ATP2B1: variants seen among roughly 807,000 people sequenced by gnomAD.
ATP2B1 encodes the protein plasma membrane calcium-transporting ATPase 1.
Under a neutral mutation model 124.2 loss-of-function variants are expected in ATP2B1, and 14 were observed. That is an observed-to-expected ratio of 0.11 (90% CI 0.07 to 0.18). The LOEUF (loss-of-function observed/expected upper bound fraction) is 0.18, where lower values mean the gene tolerates loss of function less well. Among genes scored for constraint, ATP2B1 ranks in the 10% least tolerant of loss-of-function variants. ATP2B1 has a pLI of 1.00. For synonymous variants in ATP2B1, 449 were observed against 492.4 expected (o/e 0.91, Z 1.17); for missense variants, 763 against 1,466.1 (o/e 0.52, Z 7.83).
intron 1 of ATP2B1, among the ~76,000 whole-genome samples, chr12:89,678,341 G>T (rs758610668): frequency 2.6e-5 from 4 of 152,078 alleles, no homozygotes; most frequent in Non-Finnish European, 4.4e-5. Context: ...CTTCTTGTGG[G>T]TGTAGAGAGA....
chr12:89,610,404 C>A lies in ATP2B1; in HGVS notation c.2335+17G>T. 2.5e-6 allele frequency: 4 copies of A among 1,604,320 alleles called. No individual in the cohort carries two copies. Among genetic ancestry groups the A allele is most frequent in the Non-Finnish European group, 3.4e-6 (4 of 1,172,548 alleles). On this transcript the variant is annotated intron_variant, in intron 14 of 20. Transcript: ENST00000428670. ...TCTGTATTAAGAAATTGTGAAATAA[C>A]TGAAAAATCTACTTACCTTTAACCA...
At chr12:89,602,919 T>C in intron 18 of ATP2B1, 124 bp downstream of exon 18, 1 of 792,262 alleles carries the variant, frequency 1.3e-6, no homozygotes, top group Non-Finnish European at 2.0e-6. Flanking sequence ...CACCATGATA[T>C]TATATATGTC....
intron 1 of ATP2B1, among the ~76,000 whole-genome samples, chr12:89,690,236 G>A (rs1289833114): frequency 6.6e-6 from 1 of 151,814 alleles, no homozygotes; most frequent in Non-Finnish European, 1.5e-5. Flanking sequence ...TAATAATGCT[G>A]CCATTGCTTA....
intron 12 of ATP2B1, among the ~76,000 whole-genome samples, chr12:89,615,300 T>C (rs551799511): frequency 2.0e-5 from 3 of 152,316 alleles, no homozygotes; most frequent in African/African-American, 7.2e-5. Context: ...ATATCTTATA[T>C]AGCCCTTCTG....
intron 1 of ATP2B1, among the ~76,000 whole-genome samples, chr12:89,665,256 CT>C (rs1348746778): frequency 6.6e-6 from 1 of 151,952 alleles, no homozygotes; most frequent in Non-Finnish European, 1.5e-5. Context: ...CCATTTAAGC[CT>C]TATAATACAC....
chr12:89,601,249 CTG>C (rs1348225238), intron 19 of ATP2B1, 75 bp downstream of exon 19: 2 of 1,011,150 alleles, frequency 2.0e-6, no homozygotes, highest in Admixed American at 5.1e-5. Context: ...AGTAATGAAA[CTG>C]TTAAAGAAAA....
At position 89,594,746 on chromosome 12, in the gene ATP2B1, C is replaced by T. The variant is rs145107463; in HGVS notation, c.3352-3451G>A. 7 of 151,944 alleles carry T rather than the reference C, an allele frequency of 4.6e-5. No individual in the cohort carries two copies. The East Asian group carries it at 9.6e-4, about 21-fold the overall frequency. 9.4% of individuals were successfully genotyped at this position (151,944 alleles called of 1,614,324 possible). On this transcript the variant is annotated intron_variant, in intron 20 of 20. Coordinates refer to ENST00000428670, the MANE Select transcript of ATP2B1 (RefSeq NM_001366521.1). ...AAATCCAAACAAGATCATGTACCTACAAAACCAATTTTTCTAAATACCATC... is the reference window on the plus strand; with the variant it reads ...AAATCCAAACAAGATCATGTACCTATAAAACCAATTTTTCTAAATACCATC...
intron 2 of ATP2B1, among the ~76,000 whole-genome samples, chr12:89,649,871 CAGTT>C (rs1409175551): frequency 1.3e-5 from 2 of 152,264 alleles, no homozygotes; most frequent in Middle Eastern, 3.4e-3. Context: ...AGTTCTTGCT[CAGTT>C]AGTTCACATG....
chr12:89,694,244 TAA>T, intron 1 of ATP2B1, among the ~76,000 whole-genome samples: 1 of 152,318 alleles, frequency 6.6e-6, no homozygotes, highest in Admixed American at 6.5e-5. Context: ...TTCAACTACA[TAA>T]TCTGTCCTAT....
intron 1 of ATP2B1, among the ~76,000 whole-genome samples, chr12:89,668,046 A>C (rs1028005159): frequency 6.6e-6 from 1 of 152,192 alleles, no homozygotes; most frequent in Non-Finnish European, 1.5e-5. Context: ...ACCTAAATTG[A>C]GGCAGAGTAG....
intron 1 of ATP2B1, among the ~76,000 whole-genome samples, chr12:89,708,391 C>CA (rs1198511314): frequency 6.6e-6 from 1 of 152,188 alleles, no homozygotes; most frequent in Non-Finnish European, 1.5e-5. Flanking sequence ...GAAGCCCGCT[C>CA]ACCTTCACAA....
chr12:89,618,077 A>G (rs1211014381), intron 11 of ATP2B1, among the ~76,000 whole-genome samples: 1 of 151,616 alleles, frequency 6.6e-6, no homozygotes, highest in Non-Finnish European at 1.5e-5. Flanking sequence ...TTTAACTGAT[A>G]TGTCTCTAGT....
rs1873098616 is a variant in ATP2B1, at chr12:89,589,032, A to G, written c.*1952T>C. 6.6e-6 allele frequency: 1 copy of G among 152,602 alleles called. No homozygotes were observed. The highest frequency in any genetic ancestry group is 1.5e-5 in the Non-Finnish European group (1 of 68,022). The allele number at this position is 152,602 out of a possible 1,614,324, so 9.5% of individuals were successfully genotyped here. On this transcript the variant is annotated 3_prime_UTR_variant, in exon 21 of 21. Coordinates refer to ENST00000428670, the MANE Select transcript of ATP2B1 (RefSeq NM_001366521.1). ...CTCCTAGTCTAATATGCTTTCCAGC[A>G]TATCATGCTACCTCTTTTTTACAGT... is the stretch of plus-strand genomic sequence containing the variant.
chr12:89,628,360 C>T (rs1038255053), intron 6 of ATP2B1, among the ~76,000 whole-genome samples: 5 of 138,414 alleles, frequency 3.6e-5, no homozygotes, highest in African/African-American at 1.3e-4. Flanking sequence ...CAAGATCACG[C>T]CATTGCACTC....
intron 3 of ATP2B1, among the ~76,000 whole-genome samples, chr12:89,640,825 T>C (rs1883388536): frequency 6.6e-6 from 1 of 152,156 alleles, no homozygotes; most frequent in South Asian, 2.1e-4. Context: ...TCTCCATGTG[T>C]TCTGCCTGCT....
intron 15 of ATP2B1, among the ~76,000 whole-genome samples, chr12:89,607,817 ACCAT>A (rs1266813571): frequency 1.3e-5 from 2 of 152,128 alleles, no homozygotes; most frequent in Non-Finnish European, 2.9e-5. Flanking sequence ...TACAGATGCA[ACCAT>A]CCATATTTTT....
intron 1 of ATP2B1, among the ~76,000 whole-genome samples, chr12:89,668,153 T>C (rs1887532565): frequency 6.6e-6 from 1 of 152,120 alleles, no homozygotes; most frequent in Non-Finnish European, 1.5e-5. Flanking sequence ...AAAAAGCTGC[T>C]ACCGTGATAA....
intron 1 of ATP2B1, among the ~76,000 whole-genome samples, chr12:89,702,202 T>C (rs1891933580): frequency 1.3e-5 from 2 of 152,198 alleles, no homozygotes; most frequent in Admixed American, 1.3e-4. Context: ...TCCTGGAGTT[T>C]GGTTGTGCCT....
intron 6 of ATP2B1, 33 bp downstream of exon 6, chr12:89,630,472 C>T: frequency 6.8e-7 from 1 of 1,464,510 alleles, no homozygotes; most frequent in Non-Finnish European, 9.1e-7. Context: ...GCCCTATTTC[C>T]AAATACCAAT....
Sources: gnomAD v4.1 joint callset for allele counts (sites outside exome capture counted in the v4.1 genomes callset) on GRCh38, gnomAD v4.1.1 for gene constraint, MANE v1.5 for transcripts, NCBI Gene and HGNC (gene_info 2026-07-23, HGNC 2026-07-21) for gene names.